The following DGKB variants were observed in gnomAD, a reference collection of about 807,000 sequenced individuals.
DGKB encodes 90 kDa diacylglycerol kinase.
In DGKB, 67 loss-of-function variants were observed where a neutral mutation model predicts 114.3. That is an observed-to-expected ratio of 0.59 (90% CI 0.48 to 0.72). The LOEUF (loss-of-function observed/expected upper bound fraction) is 0.72. Among genes scored for constraint, DGKB ranks in the 30% least tolerant of loss-of-function variants. The probability of loss-of-function intolerance (pLI) is 0.00; values close to 1 mark genes in which losing one functional copy is unlikely to be tolerated. For missense variants in DGKB, 907 were observed against 975.2 expected, an observed-to-expected ratio of 0.93 and a Z score of 0.93; for synonymous variants, 398 against 323.1, an observed-to-expected ratio of 1.23 and a Z score of -2.49.
chr7:14,581,213 C>A (rs998465538), intron 18 of DGKB, among the ~76,000 whole-genome samples: 1 of 152,080 alleles, frequency 6.6e-6, no homozygotes, highest in Non-Finnish European at 1.5e-5. Flanking sequence ...TTTTAAATAT[C>A]TTAACTCAGC....
chr7:14,483,704 C>T (rs1783339223), intron 20 of DGKB, among the ~76,000 whole-genome samples: 1 of 151,988 alleles, frequency 6.6e-6, no homozygotes, highest in Non-Finnish European at 1.5e-5. Context: ...GACGTAATTC[C>T]CTTCACAATT....
intron 23 of DGKB, among the ~76,000 whole-genome samples, chr7:14,285,358 A>G (rs1241075240): frequency 6.6e-6 from 1 of 152,156 alleles, no homozygotes; most frequent in Non-Finnish European, 1.5e-5. Flanking sequence ...TTACTATTGG[A>G]GCAAAGAGGT....
intron 23 of DGKB, among the ~76,000 whole-genome samples, chr7:14,189,777 T>A (rs1048782251): frequency 1.3e-5 from 2 of 152,150 alleles, no homozygotes; most frequent in Non-Finnish European, 2.9e-5. Context: ...ATAAAAGATA[T>A]TTTAAGTCAA....
intron 2 of DGKB, among the ~76,000 whole-genome samples, chr7:14,773,125 A>G (rs1290861676): frequency 6.6e-6 from 1 of 152,192 alleles, no homozygotes; most frequent in African/African-American, 2.4e-5. Flanking sequence ...TTTACAAGAC[A>G]GCATCATTGT....
At chr7:14,729,192 G>C (rs1200405821) in intron 5 of DGKB, among the ~76,000 whole-genome samples, 1 of 139,376 alleles carries the variant, frequency 7.2e-6, no homozygotes, top group African/African-American at 2.8e-5. Context: ...GCGCCATCTC[G>C]GCTCACTGCA....
At chr7:14,845,106 CAAAAAAAAAAAAAAAAAAAA>C (rs59367496) in intron 1 of DGKB, among the ~76,000 whole-genome samples, 21 of 89,240 alleles carry the variant, frequency 2.4e-4, no homozygotes, top group Non-Finnish European at 4.0e-4. Flanking sequence ...GGCCCTGTGT[CAAAAAAAAAAAAAAAAAAAA>C]AAAAAAAAAA....
At chr7:14,796,752 C>CA in intron 2 of DGKB, among the ~76,000 whole-genome samples, 1 of 151,498 alleles carries the variant, frequency 6.6e-6, no homozygotes, top group East Asian at 1.9e-4. Flanking sequence ...AAAGCTTTTG[C>CA]AAAAAATCTC....
At chr7:14,752,322 C>T (rs1271584244) in intron 4 of DGKB, among the ~76,000 whole-genome samples, 1 of 130,442 alleles carries the variant, frequency 7.7e-6, no homozygotes. Context: ...TTTTGAATCC[C>T]CAGGTTCCTT....
chr7:14,740,685 A>T (rs1250917729), intron 4 of DGKB, among the ~76,000 whole-genome samples: 2 of 152,160 alleles, frequency 1.3e-5, no homozygotes, highest in Non-Finnish European at 2.9e-5. Context: ...CATATCATGG[A>T]TAGAGGTCAT....
chr7:14,294,459 T>C (rs140800852), intron 23 of DGKB, among the ~76,000 whole-genome samples: 6 of 152,170 alleles, frequency 3.9e-5, no homozygotes, highest in African/African-American at 1.4e-4. Flanking sequence ...GGCCCAGTGA[T>C]AGCCACTATG....
chr7:14,399,967 T>A (rs560643441), intron 21 of DGKB, among the ~76,000 whole-genome samples: 1 of 151,892 alleles, frequency 6.6e-6, no homozygotes, highest in African/African-American at 2.4e-5. Context: ...AAAAACACCA[T>A]AAATTTTGAC....
chr7:14,338,542 C>T lies in DGKB; in HGVS notation c.2095G>A (p.Ala699Thr). Reference sequence around the variant, plus strand: ...TGACTTGCAAACTTCAACTCTTTGGCATCTGTGACGGTGGTCCTTTTGTCA... The same window carrying T: ...TGACTTGCAAACTTCAACTCTTTGGTATCTGTGACGGTGGTCCTTTTGTCA... ...GSDKRTTVTD[A>T]KELKFASQDL... Residue 699 changes from alanine (A) to threonine (T), a missense_variant, in exon 23 of 26, where the codon GCC (alanine) becomes ACC (threonine). By Grantham distance (58) the Ala-to-Thr change is moderately conservative. Transcript: ENST00000402815. 1.3e-6 allele frequency: 2 copies of T among 1,581,096 alleles called. No individual in the cohort carries two copies. Among genetic ancestry groups the T allele is most frequent in the Non-Finnish European group, 1.7e-6 (2 of 1,165,792 alleles).
chr7:14,231,617 C>T (rs1443680787), intron 23 of DGKB, among the ~76,000 whole-genome samples: 1 of 151,510 alleles, frequency 6.6e-6, no homozygotes, highest in Admixed American at 6.6e-5. Flanking sequence ...TGTAATTGCA[C>T]ATATGTGTGT....
At chr7:14,334,245 C>A (rs1270861260) in intron 23 of DGKB, among the ~76,000 whole-genome samples, 1 of 151,786 alleles carries the variant, frequency 6.6e-6, no homozygotes, top group Non-Finnish European at 1.5e-5. Flanking sequence ...ATATTGTGGC[C>A]CATTTGCACA....
intron 20 of DGKB, among the ~76,000 whole-genome samples, chr7:14,543,208 C>T (rs755684429): frequency 3.3e-5 from 5 of 152,072 alleles, no homozygotes; most frequent in Non-Finnish European, 7.4e-5. Flanking sequence ...CCCACACTTT[C>T]GGAGGTGGGA....
At chr7:14,478,404 T>C (rs1273941072) in intron 20 of DGKB, among the ~76,000 whole-genome samples, 179 bp from the exon 21 acceptor site, 1 of 152,060 alleles carries the variant, frequency 6.6e-6, no homozygotes, top group Non-Finnish European at 1.5e-5. Context: ...GTGATTTATG[T>C]AATTCTATGC....
At chr7:14,411,531 T>C (rs1201780000) in intron 21 of DGKB, among the ~76,000 whole-genome samples, 1 of 152,192 alleles carries the variant, frequency 6.6e-6, no homozygotes, top group Non-Finnish European at 1.5e-5. Flanking sequence ...TAATCAGAGT[T>C]CTGGGTTCAA....
chr7:14,932,837 G>T (rs1242673434), intron 1 of DGKB, among the ~76,000 whole-genome samples: 1 of 152,158 alleles, frequency 6.6e-6, no homozygotes, highest in African/African-American at 2.4e-5. Context: ...AACTGGTGTT[G>T]GTACCTAGTG....
chr7:14,885,258 G>C (rs1393060679), intron 1 of DGKB, among the ~76,000 whole-genome samples: 1 of 151,894 alleles, frequency 6.6e-6, no homozygotes, highest in South Asian at 2.1e-4. Context: ...ATAACTATGG[G>C]CACTACACAA....
Sources: gnomAD v4.1 joint callset for allele counts (sites outside exome capture counted in the v4.1 genomes callset) on GRCh38, gnomAD v4.1.1 for gene constraint, MANE v1.5 for transcripts, NCBI Gene and HGNC (gene_info 2026-07-23, HGNC 2026-07-21) for gene names.